The following CACNG4 variants were observed in gnomAD, a reference collection of about 807,000 sequenced individuals.
The protein encoded by CACNG4 is voltage-dependent calcium channel gamma-4 subunit.
Under a neutral mutation model 22.9 loss-of-function variants are expected in CACNG4, and 8 were observed. The observed-to-expected ratio is 0.35, with a 90% CI of 0.21 to 0.63. CACNG4 has a LOEUF of 0.63. CACNG4 is among the 30% of genes least tolerant of loss of function. CACNG4 has a pLI of 0.72. For missense variants in CACNG4, 357 were observed against 455.4 expected, an observed-to-expected ratio of 0.78 and a Z score of 1.97; for synonymous variants, 188 against 191.9, an observed-to-expected ratio of 0.98 and a Z score of 0.17.
At chr17:66,999,840 A>G (rs1050913623) in intron 1 of CACNG4, among the ~76,000 whole-genome samples, 11 of 152,330 alleles carry the variant, frequency 7.2e-5, no homozygotes, top group African/African-American at 2.6e-4. Context: ...ACTGTGATCT[A>G]TTAGGATAGA....
At chr17:66,965,208 GCGCGCACACACACACA>G (rs2035161425) in intron 1 of CACNG4, 77 bp downstream of exon 1, 2 of 796,484 alleles carry the variant, frequency 2.5e-6, no homozygotes, top group Non-Finnish European at 1.8e-6. Flanking sequence ...GCGCGCGCGC[GCGCGCACACACACACA>G]CGCGCACACA....
intron 1 of CACNG4, among the ~76,000 whole-genome samples, chr17:66,965,415 G>T (rs1009356337): frequency 3.3e-5 from 5 of 150,012 alleles, no homozygotes; most frequent in African/African-American, 9.8e-5. Flanking sequence ...ACACCCCCTC[G>T]CCCACAGACA....
intron 1 of CACNG4, among the ~76,000 whole-genome samples, chr17:66,979,278 C>T (rs1462684852): frequency 2.6e-5 from 4 of 152,174 alleles, no homozygotes; most frequent in Non-Finnish European, 4.4e-5. Flanking sequence ...TTTGAGTCTG[C>T]CATCTTTGTA....
At position 67,002,618 on chromosome 17, in the gene CACNG4, T is replaced by TTCTCTCTCTCTCTCTCTC. The variant is rs58727233; in HGVS notation, c.221-15560_221-15543dup. On this transcript the variant is annotated intron_variant, in intron 1 of 3. Transcript: ENST00000262138. ...CTCTCTCCACCTCTCATCTCTCTCT[T>TTCTCTCTCTCTCTCTCTC]TCTCTCTCTCTCTCTCTCTCTCTCT... Among the ~76,000 whole-genome samples the TTCTCTCTCTCTCTCTCTC allele has an allele frequency of 5.6e-3, 810 of 145,486 alleles. 5 individuals are homozygous for TTCTCTCTCTCTCTCTCTC. The highest frequency in any genetic ancestry group is 0.02 in the East Asian group (96 of 4,816).
At chr17:66,994,732 G>A (rs1273598950) in intron 1 of CACNG4, among the ~76,000 whole-genome samples, 1 of 152,220 alleles carries the variant, frequency 6.6e-6, no homozygotes, top group Non-Finnish European at 1.5e-5. Flanking sequence ...GGATTTTCAG[G>A]AGGATTCACT....
At chr17:67,000,335 T>C (rs1436195197) in intron 1 of CACNG4, among the ~76,000 whole-genome samples, 1 of 151,980 alleles carries the variant, frequency 6.6e-6, no homozygotes, top group African/African-American at 2.4e-5. Flanking sequence ...TCTCACTGTG[T>C]CCCAGCCCAC....
intron 1 of CACNG4, among the ~76,000 whole-genome samples, chr17:66,996,275 C>T (rs73339137): frequency 0.011 from 1,608 of 151,734 alleles, 39 homozygotes; most frequent in African/African-American, 0.037. Flanking sequence ...GCCTTTTGCA[C>T]GCAGACACAG....
At chr17:66,983,514 G>A (rs1029742992) in intron 1 of CACNG4, among the ~76,000 whole-genome samples, 3 of 152,166 alleles carry the variant, frequency 2.0e-5, no homozygotes, top group Admixed American at 6.5e-5. Context: ...GCTGGCTGTG[G>A]GCTGGGCTGG....
At chr17:66,988,662 T>C (rs538137294) in intron 1 of CACNG4, among the ~76,000 whole-genome samples, 1 of 152,214 alleles carries the variant, frequency 6.6e-6, no homozygotes, top group South Asian at 2.1e-4. Flanking sequence ...TAAGGAGATA[T>C]GGGACGTCAG....
chr17:66,972,782 C>A (rs777237789), intron 1 of CACNG4, among the ~76,000 whole-genome samples: 4 of 151,570 alleles, frequency 2.6e-5, no homozygotes, highest in African/African-American at 4.9e-5. Context: ...AAAAATTAGC[C>A]GGGCGTAGTG....
chr17:67,021,894 C>T (rs2035534179), intron 2 of CACNG4, among the ~76,000 whole-genome samples: 1 of 152,192 alleles, frequency 6.6e-6, no homozygotes, highest in Admixed American at 6.5e-5. Flanking sequence ...CCCTCCACCC[C>T]TTAGCCACCT....
chr17:66,965,025 G>A lies in CACNG4; in HGVS notation c.114G>A (p.Ala38=). Residue 38 remains alanine (A), a synonymous_variant, in exon 1 of 4, where the codon GCG becomes GCA. Coordinates refer to ENST00000262138, the MANE Select transcript of CACNG4 (RefSeq NM_014405.4). ...IGTDYWLYSS[A]HICNGTNLTM... is the part of the protein sequence containing the mutation. The stretch of plus-strand genomic sequence containing the variant: ...CCGACTACTGGCTGTACTCCAGCGC[G>A]CACATCTGCAACGGCACCAACCTGA... The A allele has an allele frequency of 6.2e-7, 1 of 1,611,056 alleles. No homozygotes were observed. The highest frequency in any genetic ancestry group is 8.5e-7 in the Non-Finnish European group (1 of 1,179,178).
rs1017180785 is a variant in CACNG4 at position 66,989,742 on chromosome 17, T to G, written c.220+24611T>G. ...GTTGATTTTGTTAGCAACGGTGTGTTGAGAACTCCCTTTGTAGGCTAAGAA... is the reference window on the plus strand; with the variant it reads ...GTTGATTTTGTTAGCAACGGTGTGTGGAGAACTCCCTTTGTAGGCTAAGAA... On this transcript the variant is annotated intron_variant, in intron 1 of 3. Transcript: ENST00000262138. Among the ~76,000 whole-genome samples, 56 of 151,492 alleles carry G rather than the reference T, an allele frequency of 3.7e-4. 3 individuals are homozygous for G. Among genetic ancestry groups the G allele is most frequent in the African/African-American group, 1.3e-3 (54 of 40,846 alleles).
At chr17:66,971,744 C>T (rs931319140) in intron 1 of CACNG4, among the ~76,000 whole-genome samples, 26 of 151,986 alleles carry the variant, frequency 1.7e-4, no homozygotes, top group Admixed American at 1.3e-3. Context: ...GCCGAGGCCC[C>T]GAGCAGGAGG....
rs1196653799 is a variant in CACNG4 at position 67,027,941 on chromosome 17, A to G, written c.446-2525A>G. On this transcript the variant is annotated intron_variant, in intron 3 of 3. Transcript: ENST00000262138. This position sits in a 1 kb window ranked among gnomAD's most constrained non-coding sequence, Gnocchi z 4.3. The stretch of plus-strand genomic sequence containing the variant: ...AGTCTGAGGCACGAGAATCACCTGA[A>G]CCTGGGAGGCGGAGGTTGCAATGAG... Among the ~76,000 whole-genome samples the G allele has an allele frequency of 6.6e-6, 1 of 152,032 alleles. No homozygotes were observed. The highest frequency in any genetic ancestry group is 1.5e-5 in the Non-Finnish European group (1 of 68,006).
chr17:66,975,657 A>G (rs899219708), intron 1 of CACNG4, among the ~76,000 whole-genome samples: 21 of 152,152 alleles, frequency 1.4e-4, no homozygotes, highest in African/African-American at 3.9e-4. Flanking sequence ...AAGTTGCCCA[A>G]ATTTTGTAAG....
At chr17:66,985,231 T>C (rs72846248) in intron 1 of CACNG4, among the ~76,000 whole-genome samples, 12,266 of 152,258 alleles carry the variant, frequency 0.081, 547 homozygotes, top group South Asian at 0.11. Context: ...ATTGAGGATT[T>C]GAAAACTAAA....
chr17:66,968,978 C>G (rs2143268757), intron 1 of CACNG4, among the ~76,000 whole-genome samples: 1 of 151,930 alleles, frequency 6.6e-6, no homozygotes, highest in South Asian at 2.1e-4. Flanking sequence ...TCACCTCATT[C>G]TTTGTATCTT....
intron 1 of CACNG4, among the ~76,000 whole-genome samples, chr17:67,013,964 T>C (rs550983226): frequency 3.5e-3 from 530 of 152,286 alleles, no homozygotes; most frequent in Non-Finnish European, 6.5e-3. Flanking sequence ...CATAGAATCT[T>C]CAAGCAGGAC....
Sources: gnomAD v4.1 joint callset for allele counts (sites outside exome capture counted in the v4.1 genomes callset) on GRCh38, gnomAD v4.1.1 for gene constraint, Gnocchi (gnomAD v3.1) non-coding constraint, MANE v1.5 for transcripts, NCBI Gene and HGNC (gene_info 2026-07-23, HGNC 2026-07-21) for gene names.